TANGO6: variants seen among roughly 807,000 people sequenced by gnomAD.
TANGO6 encodes the protein transport and Golgi organization protein 6 homolog.
Under a neutral mutation model 114.2 loss-of-function variants are expected in TANGO6, and 90 were observed. That is an observed-to-expected ratio of 0.79 (90% CI 0.66 to 0.94). The LOEUF (loss-of-function observed/expected upper bound fraction) is 0.94. Ranked by LOEUF, TANGO6 falls within the 40% of genes least tolerant of loss-of-function variation. The pLI, the probability that TANGO6 is intolerant of heterozygous loss-of-function variation, is 0.00. For synonymous variants in TANGO6, 477 were observed against 509.8 expected (o/e 0.94, Z 0.87); for missense variants, 1,274 against 1,315.3 (o/e 0.97, Z 0.49).
At chr16:69,068,064 C>G (rs1337793618) in intron 17 of TANGO6, among the ~76,000 whole-genome samples, 2 of 151,834 alleles carry the variant, frequency 1.3e-5, no homozygotes, top group Admixed American at 1.3e-4. Context: ...TTGCTTGAAT[C>G]TGGGAGGCAG....
intron 15 of TANGO6, among the ~76,000 whole-genome samples, chr16:69,018,350 G>GT (rs1165336617): frequency 6.7e-6 from 1 of 149,978 alleles, no homozygotes; most frequent in Non-Finnish European, 1.5e-5. Flanking sequence ...GGGTTTCACC[G>GT]TGTTAGCCAG....
At chr16:68,898,307 G>A (rs574300172) in intron 7 of TANGO6, among the ~76,000 whole-genome samples, 43 of 152,240 alleles carry the variant, frequency 2.8e-4, no homozygotes, top group African/African-American at 9.9e-4. Context: ...AGAGGAGTCA[G>A]GAGGCTTAAG....
intron 8 of TANGO6, among the ~76,000 whole-genome samples, chr16:68,901,053 T>C (rs1962777279): frequency 6.6e-6 from 1 of 152,218 alleles, no homozygotes; most frequent in African/African-American, 2.4e-5. Flanking sequence ...TTAAGTAGGA[T>C]TCATTTTGTA....
chr16:68,905,212 A>G lies in TANGO6; in HGVS notation c.1668-2231A>G, dbSNP rs115441753. On this transcript the variant is annotated intron_variant, in intron 9 of 17. Transcript: ENST00000261778. ...GCCATTGCACTCCAGTCTGGGCAAC[A>G]AGAGTGGAACTGTGTCTCAAAAAAA... is the stretch of plus-strand genomic sequence containing the variant. Among the ~76,000 whole-genome samples the G allele has an allele frequency of 5.9e-3, 859 of 146,728 alleles. 12 individuals carry two copies. Among genetic ancestry groups the G allele is most frequent in the African/African-American group, 0.021 (823 of 39,522 alleles).
At chr16:68,996,166 A>C (rs2152219614) in intron 15 of TANGO6, among the ~76,000 whole-genome samples, 1 of 152,354 alleles carries the variant, frequency 6.6e-6, no homozygotes, top group South Asian at 2.1e-4. Context: ...GGGGAAATTC[A>C]AGGCTGAAAA....
At chr16:68,980,679 A>T (rs1312547962) in intron 15 of TANGO6, among the ~76,000 whole-genome samples, 1 of 151,834 alleles carries the variant, frequency 6.6e-6, no homozygotes, top group Non-Finnish European at 1.5e-5. Context: ...GCAAGGCTTT[A>T]TATATTTTTA....
intron 17 of TANGO6, among the ~76,000 whole-genome samples, chr16:69,060,989 T>TA (rs375549591): frequency 0.026 from 3,760 of 142,782 alleles, 158 homozygotes; most frequent in African/African-American, 0.09. Context: ...AGACTCCGTC[T>TA]AAAAAAAAAA....
rs1306373682 is a variant in TANGO6, at chr16:69,083,681, G to A, written c.*20G>A. ...CCGTAGACCTGGCTCCAAGGACGTG[G>A]AGGAGGCAGGCAGGGCCAGGCACCC... On this transcript the variant is annotated 3_prime_UTR_variant, in exon 18 of 18. Transcript: ENST00000261778. 2.6e-6 allele frequency: 4 copies of A among 1,549,158 alleles called. No individual in the cohort carries two copies. Among genetic ancestry groups the A allele is most frequent in the Non-Finnish European group, 3.5e-6 (4 of 1,145,324 alleles).
chr16:68,937,920 G>T (rs1963315873), intron 14 of TANGO6, among the ~76,000 whole-genome samples: 1 of 152,160 alleles, frequency 6.6e-6, no homozygotes, highest in Admixed American at 6.5e-5. Context: ...TTGTGTGAAC[G>T]TATGTTTTCA....
Position 68,913,495 on chromosome 16 carries a change from G to A in TANGO6, c.1992+4093G>A, listed in dbSNP as rs547264662. ...GCAATCTCGGCTTACTGCAACCTCT[G>A]CCTCCCGGGTTGAAGCGATTCTTGT... On this transcript the variant is annotated intron_variant, in intron 11 of 17. Transcript: ENST00000261778. Among the ~76,000 whole-genome samples, 12 of 143,270 alleles carry A rather than the reference G, an allele frequency of 8.4e-5. No homozygotes were observed. The East Asian group carries it at 2.5e-3, about 29-fold the overall frequency. 94.0% of individuals were successfully genotyped at this position (143,270 alleles called of 152,430 possible).
chr16:68,932,269 T>C (rs927768965), intron 14 of TANGO6, among the ~76,000 whole-genome samples: 1 of 152,034 alleles, frequency 6.6e-6, no homozygotes, highest in Non-Finnish European at 1.5e-5. Flanking sequence ...TTTGTATTTT[T>C]AGTAGAGACG....
intron 17 of TANGO6, among the ~76,000 whole-genome samples, chr16:69,048,958 C>T (rs1296179083): frequency 6.6e-6 from 1 of 152,062 alleles, no homozygotes; most frequent in Non-Finnish European, 1.5e-5. Flanking sequence ...GCAGATGGGG[C>T]CGGCCTTCTG....
chr16:68,923,040 T>C (rs973839367), intron 12 of TANGO6, among the ~76,000 whole-genome samples: 1 of 143,796 alleles, frequency 7.0e-6, no homozygotes, highest in East Asian at 2.1e-4. Flanking sequence ...CTCCGCCCGC[T>C]GGGTTCAAGC....
chr16:68,932,591 C>T (rs540546553), intron 14 of TANGO6, among the ~76,000 whole-genome samples: 1 of 152,148 alleles, frequency 6.6e-6, no homozygotes, highest in East Asian at 1.9e-4. Context: ...TTGTGACCAG[C>T]CTGGCCAACA....
chr16:68,877,184 G>A (rs1212266023), intron 5 of TANGO6, among the ~76,000 whole-genome samples: 2 of 152,026 alleles, frequency 1.3e-5, no homozygotes, highest in African/African-American at 4.8e-5. Context: ...CATGAAAAAT[G>A]TGGGGCTGGG....
chr16:69,019,714 G>C lies in TANGO6; in HGVS notation c.2843-3114G>C, dbSNP rs555336366. ...TTTCTCCTTATTTTATTTCATTTTA[G>C]TTTTGTAGAGACAAACTATCCCTAT... On this transcript the variant is annotated intron_variant, in intron 15 of 17. Coordinates refer to ENST00000261778, the MANE Select transcript of TANGO6 (RefSeq NM_024562.2). Among the ~76,000 whole-genome samples the C allele has an allele frequency of 3.3e-5, 5 of 150,938 alleles. No individual in the cohort carries two copies. The East Asian group carries it at 9.7e-4, about 29-fold the overall frequency.
intron 16 of TANGO6, among the ~76,000 whole-genome samples, chr16:69,027,879 C>G (rs1381779105): frequency 6.6e-6 from 1 of 151,884 alleles, no homozygotes; most frequent in Admixed American, 6.6e-5. Flanking sequence ...CTCCCAGGTT[C>G]GAGCAATTCT....
At chr16:68,871,775 A>T (rs552828299) in intron 4 of TANGO6, among the ~76,000 whole-genome samples, 2 of 152,278 alleles carry the variant, frequency 1.3e-5, no homozygotes, top group African/African-American at 4.8e-5. Context: ...ATGCGCCACC[A>T]CACCCAACTA....
intron 15 of TANGO6, among the ~76,000 whole-genome samples, chr16:69,022,247 A>G (rs1192909355): frequency 6.6e-6 from 1 of 152,144 alleles, no homozygotes; most frequent in African/African-American, 2.4e-5. Context: ...TAGTAACACT[A>G]TGGGGAATAT....
Sources: allele counts gnomAD v4.1 joint callset (sites outside exome capture counted in the v4.1 genomes callset), GRCh38; gene constraint gnomAD v4.1.1; transcripts MANE v1.5; gene names NCBI Gene and HGNC (gene_info 2026-07-23, HGNC 2026-07-21).